Variants in CELF2 observed in about 807,000 individuals in gnomAD.
CELF2 encodes the protein CUG triplet repeat RNA-binding protein 2.
A neutral mutation model predicts 62.6 loss-of-function variants in CELF2; 8 were observed. That is an observed-to-expected ratio of 0.13 (90% CI 0.07 to 0.23). The LOEUF (loss-of-function observed/expected upper bound fraction) is 0.23, where lower values mean the gene tolerates loss of function less well. Among genes scored for constraint, CELF2 ranks in the 10% least tolerant of loss-of-function variants. CELF2 has a pLI of 1.00. For synonymous variants in CELF2, 258 were observed against 250.0 expected (o/e 1.03, Z -0.30); for missense variants, 333 against 671.0 (o/e 0.50, Z 5.56).
chr10:10,594,639 A>G, the CELF2 span, among the ~76,000 whole-genome samples: 5 of 152,238 alleles, frequency 3.3e-5, no homozygotes, highest in Non-Finnish European at 7.3e-5. Context: ...ATCAAAGGTC[A>G]TCAGGTAGGA....
the CELF2 span, among the ~76,000 whole-genome samples, chr10:10,496,895 AAAC>A: frequency 6.6e-6 from 1 of 152,100 alleles, no homozygotes; most frequent in African/African-American, 2.4e-5. Flanking sequence ...TATGTAATAA[AAAC>A]AAGATGACCA....
At chr10:11,167,683 T>G (rs1193449271) in intron 2 of CELF2, among the ~76,000 whole-genome samples, 1 of 152,270 alleles carries the variant, frequency 6.6e-6, no homozygotes, top group African/African-American at 2.4e-5. Flanking sequence ...TCACTGTGCC[T>G]GATTACTAAT....
intron 1 of CELF2, among the ~76,000 whole-genome samples, chr10:10,892,134 A>G (rs2062190298): frequency 6.6e-6 from 1 of 152,214 alleles, no homozygotes; most frequent in Admixed American, 6.5e-5. Context: ...CTTGAACTCC[A>G]CTTTTGAGAG....
In CELF2 at chr10:11,153,703, G is replaced by T. The variant is rs1275898864; in HGVS notation, c.75-11783G>T. 2.0e-5 allele frequency among the ~76,000 whole-genome samples: 3 copies of T among 152,352 alleles called. No individual in the cohort carries two copies. In the South Asian group the frequency reaches 6.2e-4, roughly 32 times the overall value. ...GAATATTGGATGTACAATTAACCGT[G>T]ATCTTATTTGGATCCAAGAAGAAAA... On this transcript the variant is annotated intron_variant, in intron 1 of 12. Transcript: ENST00000633077.
At position 11,224,990 on chromosome 10, in the gene CELF2, G is replaced by C. The variant is rs2066006720; in HGVS notation, c.354+7483G>C. On this transcript the variant is annotated intron_variant, in intron 3 of 12. Coordinates refer to ENST00000633077, the MANE Select transcript of CELF2 (RefSeq NM_001326342.2). This position sits in a 1 kb window ranked among gnomAD's most constrained non-coding sequence, Gnocchi z 4.5. ...GGAAGCGCGCTGGACACTTACAGGA[G>C]GGCGGTGTGGGGAGGGAAAGAAGTT... is the stretch of plus-strand genomic sequence containing the variant. Among the ~76,000 whole-genome samples the C allele has an allele frequency of 6.6e-6, 1 of 152,178 alleles. No homozygotes were observed. Among genetic ancestry groups the C allele is most frequent in the Non-Finnish European group, 1.5e-5 (1 of 68,044 alleles).
chr10:10,612,941 C>A, the CELF2 span, among the ~76,000 whole-genome samples: 10 of 152,118 alleles, frequency 6.6e-5, no homozygotes, highest in Non-Finnish European at 1.3e-4. Context: ...TTTCAACCCA[C>A]GGTTAGATGA....
Position 10,936,606 on chromosome 10 carries a change from C to T in CELF2, c.89+16607C>T, listed in dbSNP as rs952488779. ...GAAGAGTCAGGAACCCTTTTAACTGCTTTCTGGTTGTCTGTACCTTTTCTC... is the reference window on the plus strand; with the variant it reads ...GAAGAGTCAGGAACCCTTTTAACTGTTTTCTGGTTGTCTGTACCTTTTCTC... On this transcript the variant is annotated intron_variant, in intron 2 of 13. Transcript: ENST00000636488. The surrounding 1 kb of genome is among the most constrained non-coding windows in gnomAD (Gnocchi z 4.0). 1.3e-5 allele frequency: 2 copies of T among 152,206 alleles called. No individual in the cohort carries two copies. The highest frequency in any genetic ancestry group is 2.9e-5 in the Non-Finnish European group (2 of 68,040). 9.4% of individuals were successfully genotyped at this position (152,206 alleles called of 1,614,324 possible).
At chr10:11,301,087 T>C (rs2093671460) in intron 9 of CELF2, among the ~76,000 whole-genome samples, 1 of 152,176 alleles carries the variant, frequency 6.6e-6, no homozygotes, top group African/African-American at 2.4e-5. Context: ...AGACATGCCC[T>C]GCAGATACAC....
At chr10:10,958,172 A>T (rs1263938343) in intron 2 of CELF2, among the ~76,000 whole-genome samples, 1 of 152,214 alleles carries the variant, frequency 6.6e-6, no homozygotes, top group Non-Finnish European at 1.5e-5. Flanking sequence ...TTTCAACAAG[A>T]AAGAAAAACT....
At chr10:10,569,105 G>A in the CELF2 span, among the ~76,000 whole-genome samples, 3 of 152,088 alleles carry the variant, frequency 2.0e-5, no homozygotes, top group Non-Finnish European at 4.4e-5. Context: ...GCTAATTACT[G>A]GTCAAAAATC....
chr10:10,871,341 A>T (rs1405555281), intron 1 of CELF2, among the ~76,000 whole-genome samples: 2 of 152,202 alleles, frequency 1.3e-5, no homozygotes, highest in East Asian at 1.9e-4. Flanking sequence ...ATTCACTAAA[A>T]ATCTATGCGC....
intron 9 of CELF2, among the ~76,000 whole-genome samples, chr10:11,292,133 A>G (rs527358301): frequency 4.6e-5 from 7 of 152,298 alleles, no homozygotes; most frequent in African/African-American, 1.4e-4. Context: ...GACCCTTCAA[A>G]GAGTTATCAC....
At chr10:11,281,031 G>T (rs1458805431) in intron 8 of CELF2, among the ~76,000 whole-genome samples, 1 of 139,318 alleles carries the variant, frequency 7.2e-6, no homozygotes, top group Admixed American at 6.9e-5. Context: ...TTCAGAATGG[G>T]AGGAGGCACT....
At chr10:10,652,790 G>A in the CELF2 span, among the ~76,000 whole-genome samples, 11 of 151,936 alleles carry the variant, frequency 7.2e-5, no homozygotes, top group Non-Finnish European at 1.3e-4. Context: ...AAAGACCATC[G>A]AGACTAGGAA....
At chr10:10,609,668 T>A in the CELF2 span, among the ~76,000 whole-genome samples, 1 of 152,206 alleles carries the variant, frequency 6.6e-6, no homozygotes, top group Non-Finnish European at 1.5e-5. Flanking sequence ...GAGGAACAGA[T>A]AATTGGCTTC....
chr10:11,270,149 G>A lies in CELF2; in HGVS notation c.619-517G>A, dbSNP rs2083329265. On this transcript the variant is annotated intron_variant, in intron 6 of 12. Coordinates refer to ENST00000633077, the MANE Select transcript of CELF2 (RefSeq NM_001326342.2). The surrounding 1 kb of genome is among the most constrained non-coding windows in gnomAD (Gnocchi z 5.8). The stretch of plus-strand genomic sequence containing the variant: ...TTTCCCTATGATTGCTGGGCCGATA[G>A]GATTGTCACAATCCCAAAGTTCACA... Among the ~76,000 whole-genome samples, 1 of 152,178 alleles carries A rather than the reference G, an allele frequency of 6.6e-6. No homozygotes were observed. Among genetic ancestry groups the A allele is most frequent in the South Asian group, 2.1e-4 (1 of 4,830 alleles).
At chr10:11,189,324 T>C (rs2075769211) in intron 2 of CELF2, among the ~76,000 whole-genome samples, 1 of 152,226 alleles carries the variant, frequency 6.6e-6, no homozygotes, top group South Asian at 2.1e-4. Flanking sequence ...TTCACATATA[T>C]GTATCTTTCT....
At position 11,247,165 on chromosome 10, in the gene CELF2, A is replaced by C. The variant is rs1037949871; in HGVS notation, c.355-1988A>C. Reference sequence around the variant, plus strand: ...ACGGCAGCCAAAATGGCTTTTCTAGAATTTCGATCTTGTTTCCTTTGTTAC... The same window carrying C: ...ACGGCAGCCAAAATGGCTTTTCTAGCATTTCGATCTTGTTTCCTTTGTTAC... On this transcript the variant is annotated intron_variant, in intron 3 of 12. Transcript: ENST00000633077. This position sits in a 1 kb window ranked among gnomAD's most constrained non-coding sequence, Gnocchi z 5.4. 4.6e-5 allele frequency among the ~76,000 whole-genome samples: 7 copies of C among 152,086 alleles called. No individual in the cohort carries two copies. Among genetic ancestry groups the C allele is most frequent in the African/African-American group, 1.4e-4 (6 of 41,404 alleles).
chr10:10,684,994 G>A, the CELF2 span, among the ~76,000 whole-genome samples: 1 of 152,098 alleles, frequency 6.6e-6, no homozygotes, highest in African/African-American at 2.4e-5. Flanking sequence ...AACCAACAAA[G>A]ACAGGAGGCT....
Sources: allele counts gnomAD v4.1 joint callset (sites outside exome capture counted in the v4.1 genomes callset), GRCh38; gene constraint gnomAD v4.1.1; non-coding constraint Gnocchi (gnomAD v3.1); transcripts MANE v1.5; gene names NCBI Gene and HGNC (gene_info 2026-07-23, HGNC 2026-07-21).